Variants in OSER1 observed in about 807,000 individuals in gnomAD.
OSER1 encodes the protein oxidative stress-responsive serine-rich protein 1.
A neutral mutation model predicts 26.3 loss-of-function variants in OSER1; 15 were observed. That is an observed-to-expected ratio of 0.57 (90% CI 0.38 to 0.88). OSER1 has a LOEUF of 0.88. Ranked by LOEUF, OSER1 falls within the 40% of genes least tolerant of loss-of-function variation. OSER1 has a pLI of 0.00. For missense variants in OSER1, 313 were observed against 353.9 expected (o/e 0.88, Z 0.93); for synonymous variants, 127 against 128.2 (o/e 0.99, Z 0.07).
chr20:44,210,482 G>C (rs1461660292), intron 1 of OSER1, among the ~76,000 whole-genome samples: 2 of 152,198 alleles, frequency 1.3e-5, no homozygotes, highest in African/African-American at 2.4e-5. Context: ...GGGAAGGCGG[G>C]AAGGGGAGAG....
At chr20:44,198,480 G>A (rs186608276) in intron 3 of OSER1, among the ~76,000 whole-genome samples, 2 of 152,058 alleles carry the variant, frequency 1.3e-5, no homozygotes, top group Non-Finnish European at 1.5e-5. Flanking sequence ...TTAGCCGGGC[G>A]TGGTGGTGGG....
chr20:44,205,755 A>AT (rs2073031035), intron 2 of OSER1, among the ~76,000 whole-genome samples: 1 of 152,026 alleles, frequency 6.6e-6, no homozygotes, highest in Non-Finnish European at 1.5e-5. Flanking sequence ...CCTGGCTAAC[A>AT]CAGTGAAACC....
In OSER1 at chr20:44,197,498, C is replaced by T. The variant is rs750973244; in HGVS notation, c.433G>A (p.Ala145Thr). ...GAAGTTCTCAAAGGCTCAACGACTG[C>T]CCCTGTGTGATTAGCATCGAGAGAA... is the stretch of plus-strand genomic sequence containing the variant. ...STSLDANHTG[A>T]VVEPLRTSVP... is the part of the protein sequence containing the mutation. The change falls in exon 4 of 4, where the codon GCA (alanine) becomes ACA (threonine). Residue 145 changes from alanine to threonine, a missense_variant. Physicochemically the swap from Ala to Thr is moderately conservative, Grantham distance 58. Around this residue, in one of 2 missense-constraint regions of OSER1, gnomAD observed 300 missense variants for 318.3 expected, o/e 0.94. Transcript: ENST00000255174. 1.8e-5 allele frequency: 29 copies of T among 1,614,136 alleles called. No individual in the cohort carries two copies. In the South Asian group the frequency reaches 2.7e-4, roughly 15 times the overall value.
chr20:44,203,333 C>G (rs1333437315), intron 2 of OSER1, among the ~76,000 whole-genome samples: 1 of 152,190 alleles, frequency 6.6e-6, no homozygotes, highest in African/African-American at 2.4e-5. Flanking sequence ...GACTTTCAGG[C>G]TGTTTCCCTG....
intron 2 of OSER1, among the ~76,000 whole-genome samples, chr20:44,203,732 C>A (rs976534107): frequency 4.1e-4 from 48 of 117,138 alleles, no homozygotes; most frequent in African/African-American, 1.5e-3. Flanking sequence ...ACACACACAC[C>A]CCTCCTACTA....
At position 44,196,930 on chromosome 20, in the gene OSER1, T is replaced by C. The variant is rs1022132662; in HGVS notation, c.*122A>G. ...ACTGAGATGCCAAGAAAAGTTTTTA[T>C]TGCAAGCACAGTGAGCAGAAAGAGA... On this transcript the variant is annotated 3_prime_UTR_variant, in exon 4 of 4. Transcript: ENST00000255174. 5 of 683,834 alleles carry C rather than the reference T, an allele frequency of 7.3e-6. No homozygotes were observed. The East Asian group carries it at 7.7e-5, about 11-fold the overall frequency. The allele number at this position is 683,834 out of a possible 1,614,324, so 42.4% of individuals were successfully genotyped here. A position where few individuals can be genotyped will look rare whatever the true frequency, so the allele number is the denominator to read the frequency against.
At chr20:44,210,164 G>C (rs2073085473) in intron 1 of OSER1, 1 of 152,658 alleles carries the variant, frequency 6.6e-6, no homozygotes, top group Non-Finnish European at 1.5e-5. Context: ...ACGGGGCTTG[G>C]AGTGTGGGGA....
chr20:44,210,655 C>T (rs2073095914), intron 1 of OSER1, 41 bp downstream of exon 1: 1 of 152,458 alleles, frequency 6.6e-6, no homozygotes, highest in South Asian at 2.1e-4. Context: ...GAAGCTGAGA[C>T]GCAGTGCTGC....
At position 44,196,325 on chromosome 20, in the gene OSER1, T is replaced by C. The variant is rs762226921; in HGVS notation, c.*727A>G. On this transcript the variant is annotated 3_prime_UTR_variant, in exon 4 of 4. Coordinates refer to ENST00000255174, the MANE Select transcript of OSER1 (RefSeq NM_016470.8). ...AAAAAAAAAAAAACCGCCATATATT[T>C]AAAATGCTGGAGATGGTGAAGACAC... Among the ~76,000 whole-genome samples, 1 of 150,944 alleles carries C rather than the reference T, an allele frequency of 6.6e-6. No individual in the cohort carries two copies. The highest frequency in any genetic ancestry group is 1.5e-5 in the Non-Finnish European group (1 of 67,862).
At chr20:44,209,873 CACA>C (rs1368417528) in intron 1 of OSER1, 4 of 152,316 alleles carry the variant, frequency 2.6e-5, no homozygotes, top group Admixed American at 2.6e-4. Flanking sequence ...GCGTTGTCAT[CACA>C]ACATTAAAGA....
At chr20:44,207,028 A>G in intron 1 of OSER1, 30 bp from the exon 2 acceptor site, 1 of 1,113,748 alleles carries the variant, frequency 9.0e-7, no homozygotes, top group Non-Finnish European at 1.3e-6. Context: ...GAGCAAAGTA[A>G]AAACAGGTGG....
chr20:44,197,627 A>G lies in OSER1; in HGVS notation c.304T>C (p.Ser102Pro). Residue 102 changes from serine (S) to proline (P), a missense_variant, in exon 4 of 4, where the codon TCC (serine) becomes CCC (proline). Coordinates refer to ENST00000255174, the MANE Select transcript of OSER1 (RefSeq NM_016470.8). The stretch of plus-strand genomic sequence containing the variant: ...CTTTTGTGCTTGAGTTGACTGCTGG[A>G]AGAAGACGCTATTGTACTGCAATGT... ...FIHCSTIASS[S>P]SSQLKHKSQT... is the part of the protein sequence containing the mutation. The G allele has an allele frequency of 1.2e-6, 2 of 1,614,098 alleles. No homozygotes were observed. The highest frequency in any genetic ancestry group is 1.7e-6 in the Non-Finnish European group (2 of 1,179,966).
Position 44,196,768 on chromosome 20 carries a change from C to T in OSER1, c.*284G>A. On this transcript the variant is annotated 3_prime_UTR_variant, in exon 4 of 4. Coordinates refer to ENST00000255174, the MANE Select transcript of OSER1 (RefSeq NM_016470.8). ...TTTACAAAGGCTTTTACCATATACC[C>T]ACTGCTGCCAGTCTCAAGTAATTAT... The T allele has an allele frequency of 2.8e-6, 1 of 356,972 alleles. No homozygotes were observed. Among genetic ancestry groups the T allele is most frequent in the Non-Finnish European group, 5.1e-6 (1 of 194,624 alleles). The allele number at this position is 356,972 out of a possible 1,614,324, so 22.1% of individuals were successfully genotyped here. A position where few individuals can be genotyped will look rare whatever the true frequency, so the allele number is the denominator to read the frequency against.
chr20:44,201,317 C>T (rs1025750812), intron 3 of OSER1, among the ~76,000 whole-genome samples: 2 of 152,106 alleles, frequency 1.3e-5, no homozygotes, highest in African/African-American at 4.8e-5. Context: ...TTGAGAGGGG[C>T]GTGTGAGTGG....
chr20:44,200,133 C>A (rs1205070110), intron 3 of OSER1, among the ~76,000 whole-genome samples: 1 of 152,230 alleles, frequency 6.6e-6, no homozygotes, highest in East Asian at 1.9e-4. Flanking sequence ...AGCGCCCGCA[C>A]TAGCTAACAT....
rs966365082 is a variant in OSER1 at position 44,209,612 on chromosome 20, A to C, written c.-42+1084T>G. On this transcript the variant is annotated intron_variant, in intron 1 of 3. Coordinates refer to ENST00000255174, the MANE Select transcript of OSER1 (RefSeq NM_016470.8). ...AACTTTAAAAAGCCTATTCGAAGTT[A>C]AAGTCAAATCACACCAGGCAATTTA... 2.0e-5 allele frequency among the ~76,000 whole-genome samples: 3 copies of C among 152,054 alleles called. No homozygotes were observed. In the East Asian group the frequency reaches 5.8e-4, roughly 29 times the overall value.
chr20:44,211,163 C>T (rs549293874), upstream of OSER1: 1 of 152,458 alleles, frequency 6.6e-6, no homozygotes, highest in African/African-American at 2.4e-5. Context: ...TACGTGGAGT[C>T]ACCTATGCAG....
In OSER1 at chr20:44,197,013, C is replaced by G; in HGVS notation, c.*39G>C. ...CCATTAACTAAATCTCTTTGACAAG[C>G]CTTCATTGGTTTAAAGCATATGAAT... On this transcript the variant is annotated 3_prime_UTR_variant, in exon 4 of 4. Coordinates refer to ENST00000255174, the MANE Select transcript of OSER1 (RefSeq NM_016470.8). The G allele has an allele frequency of 7.1e-7, 1 of 1,416,560 alleles. No individual in the cohort carries two copies. Among genetic ancestry groups the G allele is most frequent in the South Asian group, 1.2e-5 (1 of 84,094 alleles). The allele number at this position is 1,416,560 out of a possible 1,614,324, so 87.7% of individuals were successfully genotyped here.
Position 44,196,899 on chromosome 20 carries a change from A to G in OSER1, c.*153T>C. 1 of 597,166 alleles carries G rather than the reference A, an allele frequency of 1.7e-6. No homozygotes were observed. The highest frequency in any genetic ancestry group is 2.8e-5 in the East Asian group (1 of 36,284). 37.0% of individuals were successfully genotyped at this position (597,166 alleles called of 1,614,324 possible). On this transcript the variant is annotated 3_prime_UTR_variant, in exon 4 of 4. Transcript: ENST00000255174. ...TCAAGAGAGTAAGTTGAAAGAATGA[A>G]GATTAACTGAGATGCCAAGAAAAGT...
Sources: gnomAD v4.1 joint callset for allele counts (sites outside exome capture counted in the v4.1 genomes callset) on GRCh38, gnomAD v4.1.1 for gene constraint, gnomAD v4.1.1 regional missense constraint, MANE v1.5 for transcripts, NCBI Gene and HGNC (gene_info 2026-07-23, HGNC 2026-07-21) for gene names.